The following ATF6 variants were observed in gnomAD, a reference collection of about 807,000 sequenced individuals.
ATF6 encodes activating transcription factor 6.
ATF6 carries 53 observed loss-of-function variants against 83.6 expected under a neutral mutation model. That is an observed-to-expected ratio of 0.63 (90% CI 0.51 to 0.80). The LOEUF is 0.80. Among genes scored for constraint, ATF6 ranks in the 30% least tolerant of loss-of-function variants. The probability of loss-of-function intolerance (pLI) is 0.00; values close to 1 mark genes in which losing one functional copy is unlikely to be tolerated. For synonymous variants in ATF6, 288 were observed against 285.8 expected (o/e 1.01, Z -0.08); for missense variants, 744 against 797.9 (o/e 0.93, Z 0.81).
At chr1:161,853,681 T>G (rs1686695293) in intron 12 of ATF6, among the ~76,000 whole-genome samples, 1 of 152,196 alleles carries the variant, frequency 6.6e-6, no homozygotes, top group South Asian at 2.1e-4. Flanking sequence ...TTAGAGCTTT[T>G]CAAAAAGAGA....
chr1:161,786,481 G>A (rs1684750866), intron 4 of ATF6, among the ~76,000 whole-genome samples: 1 of 151,510 alleles, frequency 6.6e-6, no homozygotes, highest in African/African-American at 2.4e-5. Context: ...CCAAATTATT[G>A]ATCTTTTCTT....
chr1:161,869,308 T>C (rs1461214840), intron 14 of ATF6, among the ~76,000 whole-genome samples: 1 of 151,982 alleles, frequency 6.6e-6, no homozygotes, highest in Admixed American at 6.6e-5. Context: ...AACATATGTA[T>C]ATATATAAAA....
intron 14 of ATF6, among the ~76,000 whole-genome samples, chr1:161,871,888 A>G (rs1687131353): frequency 6.6e-6 from 1 of 151,362 alleles, no homozygotes; most frequent in African/African-American, 2.4e-5. Flanking sequence ...AAGCTGTAGT[A>G]TTGCTTTAAA....
intron 15 of ATF6, among the ~76,000 whole-genome samples, chr1:161,928,007 A>C (rs12043145): frequency 6.6e-6 from 1 of 151,984 alleles, no homozygotes; most frequent in African/African-American, 2.4e-5. Context: ...ATTCAGGTTC[A>C]GCTCCCCTTT....
chr1:161,820,510 T>C (rs187836025), intron 8 of ATF6, among the ~76,000 whole-genome samples: 8 of 152,306 alleles, frequency 5.3e-5, no homozygotes, highest in African/African-American at 1.9e-4. Flanking sequence ...TCCAGCACTT[T>C]GGGACGCTGA....
At position 161,868,729 on chromosome 1, in the gene ATF6, G is replaced by A. The variant is rs147808091; in HGVS notation, c.1719+5417G>A. On this transcript the variant is annotated intron_variant, in intron 14 of 15. Transcript: ENST00000367942. ...TGATCTAAGAAGTAATATAAGCTGT[G>A]CTGAATGCCAGTAGAAAGTTTAGTT... Among the ~76,000 whole-genome samples, 41 of 150,996 alleles carry A rather than the reference G, an allele frequency of 2.7e-4. No individual in the cohort carries two copies. The East Asian group carries it at 7.7e-3, about 28-fold the overall frequency.
chr1:161,768,726 C>T (rs1684323542), intron 1 of ATF6, among the ~76,000 whole-genome samples: 2 of 152,040 alleles, frequency 1.3e-5, no homozygotes, highest in Admixed American at 1.3e-4. Context: ...GCTACCATGC[C>T]TGGTTAATTT....
At chr1:161,893,917 A>G (rs1687614720) in intron 14 of ATF6, among the ~76,000 whole-genome samples, 1 of 152,218 alleles carries the variant, frequency 6.6e-6, no homozygotes, top group Non-Finnish European at 1.5e-5. Flanking sequence ...AATCCCTGGC[A>G]TGCCTTTTAC....
At chr1:161,834,623 T>A (rs1267725050) in intron 9 of ATF6, among the ~76,000 whole-genome samples, 2 of 91,060 alleles carry the variant, frequency 2.2e-5, no homozygotes, top group Admixed American at 3.1e-4. Flanking sequence ...TGGAGACTGT[T>A]GTGGTGTGGG....
At chr1:161,887,933 A>G (rs1687462006) in intron 14 of ATF6, among the ~76,000 whole-genome samples, 1 of 152,244 alleles carries the variant, frequency 6.6e-6, no homozygotes, top group Admixed American at 6.5e-5. Flanking sequence ...GTTAGCATTC[A>G]GTATTAATTT....
At position 161,947,810 on chromosome 1, in the gene ATF6, C is replaced by CTTTTTTTTTTTTT. The variant is rs10524670; in HGVS notation, c.1805-10617_1805-10605dup. Among the ~76,000 whole-genome samples, 34 of 57,580 alleles carry CTTTTTTTTTTTTT rather than the reference C, an allele frequency of 5.9e-4. 3 individuals are homozygous for CTTTTTTTTTTTTT. The highest frequency in any genetic ancestry group is 1.3e-3 in the African/African-American group (15 of 11,720). The allele number at this position is 57,580 out of a possible 152,430, so 37.8% of individuals were successfully genotyped here. ...ATATTCCATAGTCCTTAAGCCACGC[C>CTTTTTTTTTTTTT]TTTTTTTTTTTTTTTTTTTTTTTTT... is the stretch of plus-strand genomic sequence containing the variant. On this transcript the variant is annotated intron_variant, in intron 15 of 15. Transcript: ENST00000367942.
chr1:161,958,476 T>G lies in ATF6; in HGVS notation c.1835T>G (p.Val612Gly). Residue 612 changes from valine to glycine, a missense_variant, in exon 16 of 16, where the codon GTG becomes GGG. Transcript: ENST00000367942. ...ENVINGQDYEVMMQIDCQVMD... is the reference protein window; with the variant it reads ...ENVINGQDYEGMMQIDCQVMD... Reference sequence around the variant, plus strand: ...GTGATCAATGGGCAGGACTACGAAGTGATGATGCAGATTGACTGTCAGGTG... The same window carrying G: ...GTGATCAATGGGCAGGACTACGAAGGGATGATGCAGATTGACTGTCAGGTG... 1 of 1,611,780 alleles carries G rather than the reference T, an allele frequency of 6.2e-7. No individual in the cohort carries two copies. The highest frequency in any genetic ancestry group is 8.5e-7 in the Non-Finnish European group (1 of 1,178,714).
chr1:161,872,423 A>G (rs963419658), intron 14 of ATF6, among the ~76,000 whole-genome samples: 11 of 151,520 alleles, frequency 7.3e-5, no homozygotes, highest in African/African-American at 2.7e-4. Context: ...TTTCGGGATC[A>G]TTTTCCAGAG....
intron 15 of ATF6, among the ~76,000 whole-genome samples, chr1:161,938,769 C>A (rs1250585278): frequency 6.6e-6 from 1 of 152,132 alleles, no homozygotes; most frequent in Non-Finnish European, 1.5e-5. Context: ...TTTCTATTAT[C>A]TTTTTAAAGA....
intron 14 of ATF6, among the ~76,000 whole-genome samples, chr1:161,870,715 A>G (rs1687103503): frequency 6.6e-6 from 1 of 151,934 alleles, no homozygotes; most frequent in African/African-American, 2.4e-5. Context: ...ACACTTTTCA[A>G]TCACAAAGTC....
intron 14 of ATF6, among the ~76,000 whole-genome samples, chr1:161,868,102 T>C (rs1353177416): frequency 6.6e-6 from 1 of 152,334 alleles, no homozygotes; most frequent in South Asian, 2.1e-4. Context: ...TCATGGAGAA[T>C]TGGAATAGTG....
At chr1:161,892,005 A>G (rs142438008) in intron 14 of ATF6, 32 of 152,346 alleles carry the variant, frequency 2.1e-4, no homozygotes, top group African/African-American at 7.2e-4. Flanking sequence ...TAAAAACTAA[A>G]TCTTAAAGTT....
chr1:161,962,641 T>C lies in ATF6; in HGVS notation c.*3987T>C, dbSNP rs1169534845. 1 of 152,222 alleles carries C rather than the reference T, an allele frequency of 6.6e-6. No individual in the cohort carries two copies. The highest frequency in any genetic ancestry group is 1.9e-4 in the East Asian group (1 of 5,204). 9.4% of individuals were successfully genotyped at this position (152,222 alleles called of 1,614,324 possible). A position where few individuals can be genotyped will look rare whatever the true frequency, so the allele number is the denominator to read the frequency against. The stretch of plus-strand genomic sequence containing the variant: ...CTTTTGCTTTCACAGCCTGAAGAGT[T>C]AGAGCCTGATCTGATGCCCCCTTTC... On this transcript the variant is annotated 3_prime_UTR_variant, in exon 16 of 16. Transcript: ENST00000367942.
chr1:161,903,911 A>T (rs533801732), intron 14 of ATF6, among the ~76,000 whole-genome samples: 2 of 152,318 alleles, frequency 1.3e-5, no homozygotes, highest in African/African-American at 4.8e-5. Flanking sequence ...ACTTGTTAAT[A>T]GTGAAAAATT....
Sources: allele counts gnomAD v4.1 joint callset (sites outside exome capture counted in the v4.1 genomes callset), GRCh38; gene constraint gnomAD v4.1.1; transcripts MANE v1.5; gene names NCBI Gene and HGNC (gene_info 2026-07-23, HGNC 2026-07-21).